KIRREL1: variants seen among roughly 807,000 people sequenced by gnomAD.
KIRREL1 encodes the protein kin of IRRE-like protein 1.
In KIRREL1, 25 loss-of-function variants were observed where a neutral mutation model predicts 83.3. That is an observed-to-expected ratio of 0.30 (90% confidence interval 0.22 to 0.42). The LOEUF (loss-of-function observed/expected upper bound fraction) is 0.42, where lower values mean the gene tolerates loss of function less well. Ranked by LOEUF, KIRREL1 falls within the 10% of genes least tolerant of loss-of-function variation. KIRREL1 has a pLI of 1.00. For synonymous variants in KIRREL1, 388 were observed against 410.4 expected (o/e 0.95, Z 0.66); for missense variants, 812 against 1,032.3 (o/e 0.79, Z 2.92).
intron 1 of KIRREL1, among the ~76,000 whole-genome samples, chr1:158,026,842 A>T (rs982521104): frequency 6.6e-6 from 1 of 152,118 alleles, no homozygotes; most frequent in African/African-American, 2.4e-5. Flanking sequence ...GAAAAAAAGC[A>T]AACTGTTTTT....
At chr1:157,998,632 G>T (rs1659268564) in intron 1 of KIRREL1, among the ~76,000 whole-genome samples, 1 of 152,148 alleles carries the variant, frequency 6.6e-6, no homozygotes. Context: ...ACTGAGAAGG[G>T]GTCTAGGGGA....
intron 1 of KIRREL1, among the ~76,000 whole-genome samples, chr1:158,007,415 T>G (rs1037766433): frequency 1.3e-5 from 2 of 151,576 alleles, no homozygotes; most frequent in Non-Finnish European, 2.9e-5. Flanking sequence ...TAGAATGGGG[T>G]GGGGCCGGAA....
At chr1:158,063,284 T>C (rs1661264101) in intron 1 of KIRREL1, among the ~76,000 whole-genome samples, 2 of 152,102 alleles carry the variant, frequency 1.3e-5, no homozygotes, top group Admixed American at 1.3e-4. Context: ...GGAAGTCAGA[T>C]AAGAAAAAAA....
At position 158,094,328 on chromosome 1, in the gene KIRREL1, G is replaced by A; in HGVS notation, c.1735G>A (p.Val579Met). ...TGCTCCACAGTCGTTTAAGGATGATGTGGATCTGAAGCAGGACCTGCGCTG... is the reference window on the plus strand; with the variant it reads ...TGCTCCACAGTCGTTTAAGGATGATATGGATCTGAAGCAGGACCTGCGCTG... ...KAIYSSFKDDVDLKQDLRCDT... is the reference protein window; with the variant it reads ...KAIYSSFKDDMDLKQDLRCDT... Residue 579 changes from valine (V) to methionine (M), a missense_variant, in exon 14 of 15, where the codon GTG becomes ATG. Val to Met is a conservative substitution (Grantham distance 21, BLOSUM62 1). This residue lies in a region of KIRREL1 where 334 missense variants were observed against 383.7 expected (regional missense o/e 0.87). Coordinates refer to ENST00000359209, the MANE Select transcript of KIRREL1 (RefSeq NM_018240.7). This position sits in a 1 kb window ranked among gnomAD's most constrained non-coding sequence, Gnocchi z 4.6. 6.3e-7 allele frequency: 1 copy of A among 1,596,958 alleles called. No homozygotes were observed. Among genetic ancestry groups the A allele is most frequent in the Non-Finnish European group, 8.6e-7 (1 of 1,168,346 alleles).
At chr1:158,054,163 A>C (rs1231834897) in intron 1 of KIRREL1, among the ~76,000 whole-genome samples, 3 of 141,598 alleles carry the variant, frequency 2.1e-5, no homozygotes, top group Non-Finnish European at 3.0e-5. Context: ...CAGTGAGCTG[A>C]GATCGTGTCA....
intron 1 of KIRREL1, among the ~76,000 whole-genome samples, chr1:158,067,283 T>A (rs7547120): frequency 0.22 from 33,787 of 152,066 alleles, 4,095 homozygotes; most frequent in Non-Finnish European, 0.27. Flanking sequence ...GAGCTTCTAA[T>A]GGGAAAGGAA....
intron 11 of KIRREL1, among the ~76,000 whole-genome samples, chr1:158,092,496 C>T (rs969250037): frequency 5.3e-5 from 8 of 151,988 alleles, no homozygotes; most frequent in South Asian, 2.1e-4. Context: ...TACAGGCACC[C>T]GCCACTACGC....
At position 157,993,684 on chromosome 1, in the gene KIRREL1, G is replaced by T; in HGVS notation, c.8G>T (p.Ser3Ile). ML[S>I]LLVWILTLSD... is the part of the protein sequence containing the mutation. ...GCACGGCGGGCGGACAGCATGCTGA[G>T]CCTCCTCGTCTGGATCCTCACTCTC... Residue 3 changes from serine to isoleucine, a missense_variant, in exon 1 of 15, where the codon AGC becomes ATC. By Grantham distance (142) the Ser-to-Ile change is moderately radical. Coordinates refer to ENST00000359209, the MANE Select transcript of KIRREL1 (RefSeq NM_018240.7). 3 of 1,490,492 alleles carry T rather than the reference G, an allele frequency of 2.0e-6. No homozygotes were observed. Among genetic ancestry groups the T allele is most frequent in the Non-Finnish European group, 2.7e-6 (3 of 1,118,726 alleles). The allele number at this position is 1,490,492 out of a possible 1,614,324, so 92.3% of individuals were successfully genotyped here.
chr1:157,994,780 TGAGA>T (rs1219097547), intron 1 of KIRREL1, among the ~76,000 whole-genome samples: 3 of 151,986 alleles, frequency 2.0e-5, no homozygotes, highest in Non-Finnish European at 2.9e-5. Context: ...ACTCACCTAC[TGAGA>T]GAGAGACATC....
At chr1:158,074,261 T>C (rs1302600070) in intron 1 of KIRREL1, among the ~76,000 whole-genome samples, 1 of 152,262 alleles carries the variant, frequency 6.6e-6, no homozygotes, top group South Asian at 2.1e-4. Context: ...TGTTTCTAAC[T>C]TCCTGGCCCC....
chr1:158,046,459 G>A (rs1336624764), intron 1 of KIRREL1, among the ~76,000 whole-genome samples: 2 of 152,128 alleles, frequency 1.3e-5, no homozygotes, highest in Non-Finnish European at 2.9e-5. Flanking sequence ...AAGTTTGAGC[G>A]ATGCCACTGC....
At chr1:158,020,600 CAAAA>C (rs370156588) in intron 1 of KIRREL1, among the ~76,000 whole-genome samples, 17 of 83,678 alleles carry the variant, frequency 2.0e-4, no homozygotes, top group Non-Finnish European at 2.5e-4. Context: ...TACAGTAAAT[CAAAA>C]AAAAAAAAAA....
At chr1:158,037,224 G>A (rs973327913) in intron 1 of KIRREL1, among the ~76,000 whole-genome samples, 3 of 152,160 alleles carry the variant, frequency 2.0e-5, no homozygotes, top group Non-Finnish European at 4.4e-5. Flanking sequence ...GCCGGGCGCC[G>A]TGGCTCACGC....
chr1:158,069,014 G>A (rs1661433469), intron 1 of KIRREL1, among the ~76,000 whole-genome samples: 1 of 152,120 alleles, frequency 6.6e-6, no homozygotes, highest in South Asian at 2.1e-4. Context: ...ATAAATCCGG[G>A]GAGACAGGGC....
rs549830741 is a variant in KIRREL1, at chr1:158,019,210, A to G, written c.52+25482A>G. On this transcript the variant is annotated intron_variant, in intron 1 of 14. Transcript: ENST00000359209. ...TGTGGACAAAGGCAAGAAAAGGGAG[A>G]AGGGACAAGAGAGAGGAGCAGACTG... Among the ~76,000 whole-genome samples, 15 of 152,286 alleles carry G rather than the reference A, an allele frequency of 9.8e-5. No individual in the cohort carries two copies. In the South Asian group the frequency reaches 3.1e-3, roughly 32 times the overall value.
At chr1:158,063,984 G>A (rs1252914436) in intron 1 of KIRREL1, among the ~76,000 whole-genome samples, 1 of 152,142 alleles carries the variant, frequency 6.6e-6, no homozygotes, top group African/African-American at 2.4e-5. Context: ...CAGTATGGTA[G>A]GCATTCAATA....
intron 1 of KIRREL1, among the ~76,000 whole-genome samples, chr1:158,038,327 C>T (rs1288219208): frequency 6.6e-6 from 1 of 152,136 alleles, no homozygotes; most frequent in East Asian, 1.9e-4. Flanking sequence ...GCTCTCACAG[C>T]TGCAGGGGGT....
At chr1:158,027,093 C>T (rs1239574916) in intron 1 of KIRREL1, among the ~76,000 whole-genome samples, 1 of 152,220 alleles carries the variant, frequency 6.6e-6, no homozygotes, top group African/African-American at 2.4e-5. Context: ...CTTCCAATAT[C>T]AATCGCAAGC....
intron 1 of KIRREL1, among the ~76,000 whole-genome samples, chr1:157,999,780 G>C (rs897926227): frequency 2.0e-5 from 3 of 152,138 alleles, no homozygotes; most frequent in Non-Finnish European, 2.9e-5. Context: ...TCATGTCCTT[G>C]ATCCTCAAAT....
Sources: gnomAD v4.1 joint callset for allele counts (sites outside exome capture counted in the v4.1 genomes callset) on GRCh38, gnomAD v4.1.1 for gene constraint, gnomAD v4.1.1 regional missense constraint, Gnocchi (gnomAD v3.1) non-coding constraint, MANE v1.5 for transcripts, NCBI Gene and HGNC (gene_info 2026-07-23, HGNC 2026-07-21) for gene names.